Variants in STX8 observed in about 807,000 individuals in gnomAD.
STX8 encodes the protein syntaxin 8.
In STX8, 23 loss-of-function variants were observed where a neutral mutation model predicts 37.5. The ratio of observed to expected loss-of-function variants is 0.61; its 90% confidence interval spans 0.44 to 0.87. STX8 has a LOEUF of 0.87. Among genes scored for constraint, STX8 ranks in the 40% least tolerant of loss-of-function variants. STX8 has a pLI of 0.00. For missense variants in STX8, 313 were observed against 284.7 expected, an observed-to-expected ratio of 1.10 and a Z score of -0.71; for synonymous variants, 115 against 99.1, an observed-to-expected ratio of 1.16 and a Z score of -0.95.
intron 7 of STX8, among the ~76,000 whole-genome samples, chr17:9,373,721 C>T (rs1911489152): frequency 6.6e-6 from 1 of 152,122 alleles, no homozygotes; most frequent in Admixed American, 6.6e-5. Flanking sequence ...GGGTGGATCA[C>T]CCGAGGCTGG....
chr17:9,574,370 T>C (rs182171965), intron 1 of STX8, among the ~76,000 whole-genome samples: 1 of 150,646 alleles, frequency 6.6e-6, no homozygotes, highest in African/African-American at 2.4e-5. Context: ...TATAAAAATA[T>C]AGATTAAAAT....
chr17:9,279,520 G>A (rs1021036259), intron 7 of STX8, among the ~76,000 whole-genome samples: 7 of 152,150 alleles, frequency 4.6e-5, no homozygotes, highest in South Asian at 2.1e-4. Context: ...TGACTAACTC[G>A]AACATATAGT....
intron 5 of STX8, among the ~76,000 whole-genome samples, chr17:9,503,041 G>A (rs1904677688): frequency 7.3e-6 from 1 of 137,204 alleles, no homozygotes; most frequent in Non-Finnish European, 1.5e-5. Context: ...AGGAGGTGGA[G>A]GTTGTGGTGA....
intron 7 of STX8, among the ~76,000 whole-genome samples, chr17:9,352,237 C>T (rs1243443362): frequency 2.0e-5 from 3 of 151,408 alleles, no homozygotes; most frequent in African/African-American, 7.3e-5. Flanking sequence ...TAAGTTTGAT[C>T]ACTTTTTTCA....
At chr17:9,319,287 C>T (rs533875108) in intron 7 of STX8, among the ~76,000 whole-genome samples, 10 of 152,020 alleles carry the variant, frequency 6.6e-5, no homozygotes, top group Admixed American at 3.3e-4. Context: ...GGTGTGGTGG[C>T]GGGTGCCTGT....
chr17:9,342,706 G>A (rs144075774), intron 7 of STX8, among the ~76,000 whole-genome samples: 1 of 152,148 alleles, frequency 6.6e-6, no homozygotes, highest in Non-Finnish European at 1.5e-5. Flanking sequence ...ATGACAGGGA[G>A]ATCAAGAGAC....
chr17:9,314,210 T>A (rs1909299068), intron 7 of STX8, among the ~76,000 whole-genome samples: 1 of 152,208 alleles, frequency 6.6e-6, no homozygotes, highest in South Asian at 2.1e-4. Flanking sequence ...CTCTATTATA[T>A]CATTTGGTGA....
In STX8 at chr17:9,465,683, G is replaced by T. The variant is rs528796046; in HGVS notation, c.541+26146C>A. Among the ~76,000 whole-genome samples the T allele has an allele frequency of 8.5e-5, 13 of 152,272 alleles. No homozygotes were observed. In the South Asian group the frequency reaches 2.1e-3, roughly 24 times the overall value. On this transcript the variant is annotated intron_variant, in intron 6 of 7. Transcript: ENST00000306357. ...CACAGAGTATGAAAAACTGAACAGC[G>T]CTATGCGGTATCGGATCACTCGAAC...
rs528675014 is a variant in STX8, at chr17:9,299,419, C to A, written c.644-48774G>T. ...TGGAAGGAAAAGAGGGGATTGCCTG[C>A]GTCCGTCTTCATTCTTACGCTTTTT... On this transcript the variant is annotated intron_variant, in intron 7 of 7. Transcript: ENST00000306357. Among the ~76,000 whole-genome samples, 18 of 148,378 alleles carry A rather than the reference C, an allele frequency of 1.2e-4. No individual in the cohort carries two copies. In the Admixed American group the frequency reaches 1.2e-3, roughly 10 times the overall value.
At chr17:9,427,817 C>T (rs1913694270) in intron 6 of STX8, among the ~76,000 whole-genome samples, 1 of 152,094 alleles carries the variant, frequency 6.6e-6, no homozygotes, top group Admixed American at 6.6e-5. Context: ...TGCAGGCACT[C>T]ATTTTTAATT....
chr17:9,533,753 G>C (rs557531131), intron 4 of STX8, among the ~76,000 whole-genome samples: 20 of 152,320 alleles, frequency 1.3e-4, no homozygotes, highest in Admixed American at 1.1e-3. Flanking sequence ...TTCAAGAACA[G>C]CGTTGCTATT....
chr17:9,288,384 G>T (rs529909974), intron 7 of STX8, among the ~76,000 whole-genome samples: 1 of 152,042 alleles, frequency 6.6e-6, no homozygotes, highest in East Asian at 1.9e-4. Flanking sequence ...TCAATGGGCC[G>T]GGCGCGGTGG....
intron 7 of STX8, among the ~76,000 whole-genome samples, chr17:9,310,247 G>A (rs1191508280): frequency 3.9e-5 from 6 of 152,122 alleles, no homozygotes; most frequent in African/African-American, 1.2e-4. Flanking sequence ...TAGTATCAGC[G>A]TTGACTTTCT....
Position 9,413,630 on chromosome 17 carries a change from C to A in STX8, c.542-34977G>T, listed in dbSNP as rs2142337101. ...CAGATCTAAAGAAACAAGCTTCAAT[C>A]CTTGAGAAACTACTGCCAAGCTTCC... On this transcript the variant is annotated intron_variant, in intron 6 of 7. Coordinates refer to ENST00000306357, the MANE Select transcript of STX8 (RefSeq NM_004853.3). Among the ~76,000 whole-genome samples the A allele has an allele frequency of 2.0e-5, 3 of 152,288 alleles. No homozygotes were observed. The South Asian group carries it at 6.2e-4, about 32-fold the overall frequency.
chr17:9,252,260 T>G (rs867140552), intron 7 of STX8, among the ~76,000 whole-genome samples: 1 of 152,000 alleles, frequency 6.6e-6, no homozygotes, highest in Non-Finnish European at 1.5e-5. Context: ...CTGGCTAACA[T>G]GGTGAAACCC....
intron 6 of STX8, among the ~76,000 whole-genome samples, chr17:9,384,126 AT>A (rs11288399): frequency 0.28 from 39,632 of 139,380 alleles, 5,563 homozygotes; most frequent in African/African-American, 0.4. Context: ...CTCATTTGTT[AT>A]TTTTTTTTTT....
At chr17:9,505,226 C>A (rs932497987) in intron 4 of STX8, 64 bp from the exon 5 acceptor site, 36 of 1,556,458 alleles carry the variant, frequency 2.3e-5, no homozygotes, top group Non-Finnish European at 3.0e-5. Flanking sequence ...AAATTACTCC[C>A]ACAAGTGCAG....
chr17:9,295,096 A>C (rs533964995), intron 7 of STX8, among the ~76,000 whole-genome samples: 2 of 152,358 alleles, frequency 1.3e-5, no homozygotes, highest in Admixed American at 1.3e-4. Context: ...CAGCTTGAGC[A>C]GACTAATGGA....
At chr17:9,516,680 T>C (rs1567593922) in intron 4 of STX8, among the ~76,000 whole-genome samples, 2 of 152,288 alleles carry the variant, frequency 1.3e-5, no homozygotes, top group South Asian at 4.1e-4. Context: ...TTTGGGGTGG[T>C]GCCTATTATT....
Sources: allele counts gnomAD v4.1 joint callset (sites outside exome capture counted in the v4.1 genomes callset), GRCh38; gene constraint gnomAD v4.1.1; transcripts MANE v1.5; gene names NCBI Gene and HGNC (gene_info 2026-07-23, HGNC 2026-07-21).